The following ULK4 variants were observed in gnomAD, a reference collection of about 807,000 sequenced individuals.
The protein encoded by ULK4 is inactive serine/threonine-protein kinase ULK4.
A neutral mutation model predicts 160.6 loss-of-function variants in ULK4; 133 were observed. The ratio of observed to expected loss-of-function variants is 0.83; its 90% CI spans 0.72 to 0.96. ULK4 has a LOEUF of 0.96. ULK4 is among the 40% of genes least tolerant of loss of function. The pLI, the probability that ULK4 is intolerant of heterozygous loss-of-function variation, is 0.00. For missense variants in ULK4, 1,580 were observed against 1,499.5 expected (o/e 1.05, Z -0.89); for synonymous variants, 534 against 539.8 (o/e 0.99, Z 0.15).
intron 34 of ULK4, among the ~76,000 whole-genome samples, chr3:41,427,258 G>A (rs911023501): frequency 6.6e-5 from 10 of 152,296 alleles, no homozygotes; most frequent in African/African-American, 2.4e-4. Flanking sequence ...TTCTGAAATT[G>A]AGGCAGTAAT....
Position 41,694,556 on chromosome 3 carries a change from T to C in ULK4, c.2781+10501A>G, listed in dbSNP as rs61090011. On this transcript the variant is annotated intron_variant, in intron 27 of 36. Transcript: ENST00000301831. ...AGGTTCACATAAGGAATGCTGAGTA[T>C]AGTTGGGCCTCAGTATCTGAGAGAG... Among the ~76,000 whole-genome samples, 825 of 152,236 alleles carry C rather than the reference T, an allele frequency of 5.4e-3. 25 individuals carry two copies. In the East Asian group the frequency reaches 0.087, roughly 16 times the overall value.
intron 30 of ULK4, among the ~76,000 whole-genome samples, chr3:41,623,761 G>T (rs1212754252): frequency 6.6e-6 from 1 of 152,100 alleles, no homozygotes; most frequent in Non-Finnish European, 1.5e-5. Flanking sequence ...TTAGACAGGA[G>T]AAATAAGTTA....
intron 18 of ULK4, among the ~76,000 whole-genome samples, chr3:41,823,542 T>C (rs1303418036): frequency 6.6e-6 from 1 of 152,240 alleles, no homozygotes; most frequent in Non-Finnish European, 1.5e-5. Flanking sequence ...TAATACCCTC[T>C]GCAGAATCAC....
chr3:41,603,696 T>C (rs1012163085), intron 31 of ULK4, among the ~76,000 whole-genome samples: 6 of 152,114 alleles, frequency 3.9e-5, no homozygotes, highest in East Asian at 1.9e-4. Flanking sequence ...TATTGTACTA[T>C]AGTTTATAAA....
At chr3:41,645,550 T>C (rs183335998) in intron 30 of ULK4, among the ~76,000 whole-genome samples, 9,288 of 152,214 alleles carry the variant, frequency 0.061, 949 homozygotes, top group African/African-American at 0.21. Context: ...CACTGTGGTC[T>C]GAGAGACAGT....
chr3:41,806,136 C>T (rs898373599), intron 19 of ULK4, among the ~76,000 whole-genome samples: 33 of 146,980 alleles, frequency 2.2e-4, no homozygotes, highest in Admixed American at 1.7e-3. Flanking sequence ...CGTTGGTAAG[C>T]TATTGATTAT....
intron 34 of ULK4, among the ~76,000 whole-genome samples, chr3:41,433,160 T>A (rs972158715): frequency 8.5e-5 from 13 of 152,072 alleles, no homozygotes; most frequent in Admixed American, 1.3e-4. Flanking sequence ...GTAAACTAAG[T>A]AGAAAAACAT....
chr3:41,540,008 T>G (rs1327633585), intron 32 of ULK4, among the ~76,000 whole-genome samples: 2 of 152,150 alleles, frequency 1.3e-5, no homozygotes, highest in Admixed American at 1.3e-4. Context: ...TGAAGAAATT[T>G]AAGGGTAGGA....
intron 35 of ULK4, among the ~76,000 whole-genome samples, chr3:41,364,801 G>A (rs1349628948): frequency 3.9e-5 from 6 of 152,074 alleles, no homozygotes; most frequent in South Asian, 2.1e-4. Flanking sequence ...GACTAGATTC[G>A]GAAAAGTGAA....
intron 31 of ULK4, among the ~76,000 whole-genome samples, chr3:41,579,743 C>T (rs531902916): frequency 4.5e-4 from 68 of 152,108 alleles, no homozygotes; most frequent in South Asian, 1.0e-3. Context: ...CCGCCCGTCT[C>T]GGCCTCCCAA....
chr3:41,950,840 G>C (rs2148840985), intron 2 of ULK4, among the ~76,000 whole-genome samples: 1 of 151,656 alleles, frequency 6.6e-6, no homozygotes, highest in South Asian at 2.1e-4. Context: ...ACTTCTGAAA[G>C]AAATTTTTAA....
chr3:41,931,918 A>G lies in ULK4; in HGVS notation c.467T>C (p.Leu156Ser). 6.2e-7 allele frequency: 1 copy of G among 1,614,100 alleles called. No homozygotes were observed. Among genetic ancestry groups the G allele is most frequent in the African/African-American group, 1.3e-5 (1 of 75,034 alleles). ...ACCTCCTCCTTCCTCTGCTGCCACC[A>G]AAGCAAAGAACTCTTCCAAATTTTC... The part of the protein sequence containing the change: ...EGENLEEFFA[L>S]VAAEEGGGDN... The change falls in exon 5 of 37, where the codon TTG becomes TCG. Residue 156 changes from leucine to serine, a missense_variant. By Grantham distance (145) the Leu-to-Ser change is moderately radical. Coordinates refer to ENST00000301831, the MANE Select transcript of ULK4 (RefSeq NM_017886.4).
chr3:41,264,270 GGT>G, intron 35 of ULK4, among the ~76,000 whole-genome samples: 1 of 152,262 alleles, frequency 6.6e-6, no homozygotes, highest in Non-Finnish European at 1.5e-5. Context: ...GAATGGTCCA[GGT>G]GAGAGGCAAC....
intron 21 of ULK4, among the ~76,000 whole-genome samples, chr3:41,783,379 A>AG (rs1240096116): frequency 6.6e-6 from 1 of 152,086 alleles, no homozygotes; most frequent in Non-Finnish European, 1.5e-5. Context: ...TCTATTAAAA[A>AG]TACAAAAATT....
chr3:41,718,302 T>A (rs1329710610), intron 22 of ULK4, among the ~76,000 whole-genome samples: 2 of 152,222 alleles, frequency 1.3e-5, no homozygotes, highest in East Asian at 1.9e-4. Context: ...ATGTTTCATT[T>A]TAACACTGGG....
At chr3:41,843,525 G>A (rs2041987996) in intron 17 of ULK4, among the ~76,000 whole-genome samples, 1 of 152,130 alleles carries the variant, frequency 6.6e-6, no homozygotes. Flanking sequence ...CAGGAGTGAA[G>A]CTGCGGACCT....
chr3:41,362,773 T>C (rs1171937332), intron 35 of ULK4, among the ~76,000 whole-genome samples: 4 of 152,222 alleles, frequency 2.6e-5, no homozygotes, highest in Non-Finnish European at 5.9e-5. Flanking sequence ...GAAAACTGTT[T>C]CCCAGTCTAT....
chr3:41,293,972 G>A (rs916373486), intron 35 of ULK4, among the ~76,000 whole-genome samples: 1 of 152,204 alleles, frequency 6.6e-6, no homozygotes, highest in Non-Finnish European at 1.5e-5. Flanking sequence ...AACATATGAA[G>A]GTGTGGAACA....
chr3:41,487,929 C>T (rs997810721), intron 32 of ULK4, among the ~76,000 whole-genome samples: 2 of 151,946 alleles, frequency 1.3e-5, no homozygotes, highest in Non-Finnish European at 2.9e-5. Context: ...GACAAATACC[C>T]CAGTTACCCA....
Sources: gnomAD v4.1 joint callset for allele counts (sites outside exome capture counted in the v4.1 genomes callset) on GRCh38, gnomAD v4.1.1 for gene constraint, MANE v1.5 for transcripts, NCBI Gene and HGNC (gene_info 2026-07-23, HGNC 2026-07-21) for gene names.